Variants in CCNY observed in about 807,000 individuals in gnomAD.
The protein encoded by CCNY is cyclin Y.
A neutral mutation model predicts 42.8 loss-of-function variants in CCNY; 19 were observed. The ratio of observed to expected loss-of-function variants is 0.44; its 90% CI spans 0.31 to 0.65. The LOEUF (loss-of-function observed/expected upper bound fraction) is 0.65, where lower values mean the gene tolerates loss of function less well. Among genes scored for constraint, CCNY ranks in the 30% least tolerant of loss-of-function variants. The probability of loss-of-function intolerance (pLI) is 0.07; values close to 1 mark genes in which losing one functional copy is unlikely to be tolerated. For missense variants in CCNY, 370 were observed against 437.3 expected, an observed-to-expected ratio of 0.85 and a Z score of 1.37; for synonymous variants, 165 against 162.7, an observed-to-expected ratio of 1.01 and a Z score of -0.11.
At chr10:35,430,092 C>T in intron 1 of CCNY, among the ~76,000 whole-genome samples, 1 of 151,778 alleles carries the variant, frequency 6.6e-6, no homozygotes, top group East Asian at 1.9e-4. Flanking sequence ...AATCCCAGCA[C>T]TTTGGGAGGC....
intron 1 of CCNY, among the ~76,000 whole-genome samples, chr10:35,368,975 T>G (rs1422043956): frequency 6.6e-6 from 1 of 152,236 alleles, no homozygotes; most frequent in African/African-American, 2.4e-5. Context: ...AGTTGTTCAG[T>G]TTCTCCACTT....
intron 7 of CCNY, among the ~76,000 whole-genome samples, chr10:35,548,019 T>C (rs1841153052): frequency 1.3e-5 from 2 of 152,056 alleles, no homozygotes; most frequent in South Asian, 4.1e-4. Flanking sequence ...ATTTGAAACA[T>C]GTTACTCCAC....
chr10:35,323,930 G>T (rs1835850710), intron 3 of CCNY, among the ~76,000 whole-genome samples: 2 of 151,596 alleles, frequency 1.3e-5, no homozygotes, highest in Admixed American at 1.3e-4. Context: ...TGATATAGGA[G>T]AATCGCTTGA....
At chr10:35,392,978 T>TC (rs1837445962) in intron 1 of CCNY, among the ~76,000 whole-genome samples, 1 of 152,026 alleles carries the variant, frequency 6.6e-6, no homozygotes, top group Admixed American at 6.6e-5. Flanking sequence ...TGAGCTCTCC[T>TC]CCCCCGGCCT....
At chr10:35,528,955 AT>A (rs1176753890) in intron 5 of CCNY, among the ~76,000 whole-genome samples, 1 of 152,206 alleles carries the variant, frequency 6.6e-6, no homozygotes, top group Non-Finnish European at 1.5e-5. Flanking sequence ...AAAAGCTGTC[AT>A]TTCCAAGTTT....
At chr10:35,323,906 G>T (rs140331541) in intron 3 of CCNY, among the ~76,000 whole-genome samples, 1 of 151,844 alleles carries the variant, frequency 6.6e-6, no homozygotes, top group African/African-American at 2.4e-5. Flanking sequence ...TGTAGTCCTC[G>T]CTACTCAGGA....
chr10:35,468,911 A>G (rs752336464), intron 1 of CCNY, among the ~76,000 whole-genome samples: 7 of 152,194 alleles, frequency 4.6e-5, no homozygotes, highest in East Asian at 1.9e-4. Flanking sequence ...ATTTGGGTTC[A>G]TAGATACTTT....
At chr10:35,523,522 G>T (rs1275372174) in intron 4 of CCNY, among the ~76,000 whole-genome samples, 1 of 152,132 alleles carries the variant, frequency 6.6e-6, no homozygotes, top group Non-Finnish European at 1.5e-5. Flanking sequence ...CATCCTGGTG[G>T]TCTCACTTCT....
chr10:35,315,544 T>G (rs1835749949), intron 3 of CCNY: 2 of 152,272 alleles, frequency 1.3e-5, no homozygotes. Flanking sequence ...TCCATGTCTT[T>G]GTTATTATAA....
intron 1 of CCNY, among the ~76,000 whole-genome samples, chr10:35,360,407 C>T (rs1836658427): frequency 6.6e-6 from 1 of 150,964 alleles, no homozygotes; most frequent in Admixed American, 6.6e-5. Context: ...CTGTCTCAGA[C>T]TCCTGAGTAA....
chr10:35,536,228 T>C (rs1018723225), intron 7 of CCNY, among the ~76,000 whole-genome samples: 2 of 152,160 alleles, frequency 1.3e-5, no homozygotes, highest in African/African-American at 4.8e-5. Context: ...GCATCCTTCT[T>C]ATTTTCTCTT....
At chr10:35,359,512 A>AT (rs35943034) in intron 1 of CCNY, among the ~76,000 whole-genome samples, 2 of 126,780 alleles carry the variant, frequency 1.6e-5, no homozygotes, top group African/African-American at 5.5e-5. Context: ...TATTATTATT[A>AT]TTTTTTTTTG....
intron 3 of CCNY, among the ~76,000 whole-genome samples, chr10:35,262,898 C>A (rs1408733569): frequency 6.7e-6 from 1 of 150,280 alleles, no homozygotes; most frequent in Non-Finnish European, 1.5e-5. Flanking sequence ...GAAAAAAATT[C>A]TCACTCTAAG....
intron 3 of CCNY, among the ~76,000 whole-genome samples, chr10:35,509,117 G>T (rs550172942): frequency 1.8e-4 from 28 of 152,118 alleles, no homozygotes; most frequent in African/African-American, 5.1e-4. Flanking sequence ...CCATAAAGTT[G>T]GCATTTTCCC....
In CCNY at chr10:35,360,493, G is replaced by T. The variant is rs188217153; in HGVS notation, c.154+23286G>T. On this transcript the variant is annotated intron_variant, in intron 1 of 9. Transcript: ENST00000374704. ...TATGGGGTCTTGCCGTGCTGCTCAG[G>T]TTGGTCTTGAGCTCCTGGGCTCCAG... Among the ~76,000 whole-genome samples the T allele has an allele frequency of 3.0e-3, 452 of 151,912 alleles. 17 individuals are homozygous for T. The highest frequency in any genetic ancestry group is 0.027 in the Admixed American group (419 of 15,260).
chr10:35,554,791 CTAACTA>C (rs1422893528), intron 8 of CCNY, among the ~76,000 whole-genome samples: 2 of 152,130 alleles, frequency 1.3e-5, no homozygotes, highest in African/African-American at 4.8e-5. Context: ...GATTTGTATC[CTAACTA>C]TATTTCCAAA....
intron 3 of CCNY, among the ~76,000 whole-genome samples, chr10:35,325,479 CTTTT>C (rs1207832860): frequency 1.5e-5 from 2 of 132,860 alleles, no homozygotes; most frequent in Admixed American, 7.7e-5. Flanking sequence ...AGCACAGACC[CTTTT>C]TTTTTTTTTT....
At chr10:35,256,893 A>C (rs1199900440) in intron 3 of CCNY, among the ~76,000 whole-genome samples, 1 of 152,188 alleles carries the variant, frequency 6.6e-6, no homozygotes, top group Non-Finnish European at 1.5e-5. Context: ...AAAAGTAAAA[A>C]ACAAAATGTG....
At chr10:35,519,618 G>C (rs1422824509) in intron 4 of CCNY, among the ~76,000 whole-genome samples, 6 of 151,712 alleles carry the variant, frequency 4.0e-5, no homozygotes, top group African/African-American at 1.5e-4. Flanking sequence ...AGAATGTAGA[G>C]AACAGAGAAG....
Sources: gnomAD v4.1 joint callset for allele counts (sites outside exome capture counted in the v4.1 genomes callset) on GRCh38, gnomAD v4.1.1 for gene constraint, MANE v1.5 for transcripts, NCBI Gene and HGNC (gene_info 2026-07-23, HGNC 2026-07-21) for gene names.